Variants in TNFAIP8 observed in about 807,000 individuals in gnomAD.
TNFAIP8 encodes the protein TNF alpha induced protein 8.
A neutral mutation model predicts 13.3 loss-of-function variants in TNFAIP8; 7 were observed. That is an observed-to-expected ratio of 0.52 (90% CI 0.30 to 0.99). The LOEUF is 0.99. TNFAIP8 is among the 50% of genes least tolerant of loss of function. TNFAIP8 has a pLI of 0.07. For synonymous variants in TNFAIP8, 94 were observed against 87.6 expected (o/e 1.07, Z -0.41); for missense variants, 258 against 236.9 (o/e 1.09, Z -0.58).
At chr5:119,346,041 C>A (rs930250146) in intron 1 of TNFAIP8, among the ~76,000 whole-genome samples, 1 of 152,108 alleles carries the variant, frequency 6.6e-6, no homozygotes, top group Admixed American at 6.5e-5. Context: ...TGATAGAGCA[C>A]CCAAACACAT....
intron 1 of TNFAIP8, among the ~76,000 whole-genome samples, chr5:119,278,162 G>A (rs745699911): frequency 6.6e-6 from 1 of 152,108 alleles, no homozygotes; most frequent in Non-Finnish European, 1.5e-5. Flanking sequence ...TATATGAAGG[G>A]CAGTCTGGGA....
chr5:119,349,545 A>T (rs1200470401), intron 1 of TNFAIP8, among the ~76,000 whole-genome samples: 1 of 152,240 alleles, frequency 6.6e-6, no homozygotes, highest in Admixed American at 6.5e-5. Flanking sequence ...GGGTGTCAGT[A>T]ATCAGGGCCA....
chr5:119,312,273 T>C (rs888540400), intron 1 of TNFAIP8, among the ~76,000 whole-genome samples: 1 of 152,232 alleles, frequency 6.6e-6, no homozygotes, highest in African/African-American at 2.4e-5. Context: ...CTCTGCTCTT[T>C]CTGCTATTGT....
chr5:119,317,640 C>T (rs1291480924), intron 1 of TNFAIP8, among the ~76,000 whole-genome samples: 3 of 150,868 alleles, frequency 2.0e-5, no homozygotes, highest in Non-Finnish European at 4.4e-5. Context: ...ACTCTCTTGC[C>T]CAGGCTGGAG....
rs1753041429 is a variant in TNFAIP8 at position 119,395,042 on chromosome 5, G to A, written c.*1661G>A. The A allele has an allele frequency of 6.6e-6, 1 of 152,156 alleles. No homozygotes were observed. Among genetic ancestry groups the A allele is most frequent in the Non-Finnish European group, 1.5e-5 (1 of 68,036 alleles). The allele number at this position is 152,156 out of a possible 1,614,324, so 9.4% of individuals were successfully genotyped here. On this transcript the variant is annotated 3_prime_UTR_variant, in exon 2 of 2. Coordinates refer to ENST00000504771, the MANE Select transcript of TNFAIP8 (RefSeq NM_014350.4). ...CTCTAACCCATTTCAGCCTAGAGAG[G>A]GTGGTCAGTTTCTCTGACACCCTCA...
intron 1 of TNFAIP8, among the ~76,000 whole-genome samples, chr5:119,277,131 A>T (rs1231044961): frequency 6.6e-6 from 1 of 152,138 alleles, no homozygotes; most frequent in Non-Finnish European, 1.5e-5. Flanking sequence ...TGTATACTGC[A>T]CTCACCTGTT....
chr5:119,360,554 T>G (rs973558667), intron 1 of TNFAIP8, among the ~76,000 whole-genome samples: 6 of 152,344 alleles, frequency 3.9e-5, no homozygotes, highest in Non-Finnish European at 5.9e-5. Context: ...TCACCATGAT[T>G]TAGAGCTAAA....
At chr5:119,368,740 G>C (rs1345476431) in intron 1 of TNFAIP8, among the ~76,000 whole-genome samples, 1 of 152,024 alleles carries the variant, frequency 6.6e-6, no homozygotes, top group African/African-American at 2.4e-5. Flanking sequence ...CATTTTTCGG[G>C]ACCCAACTAA....
chr5:119,324,426 A>G (rs1004990192), intron 1 of TNFAIP8, among the ~76,000 whole-genome samples: 1 of 151,576 alleles, frequency 6.6e-6, no homozygotes, highest in Non-Finnish European at 1.5e-5. Flanking sequence ...TTCTTCGTGC[A>G]TGGATCAGAG....
chr5:119,355,984 C>A, upstream of TNFAIP8: 5 of 1,512,328 alleles, frequency 3.3e-6, 1 homozygote, highest in South Asian at 4.8e-5. Flanking sequence ...TAGTGGCTTT[C>A]TTCCTTTTAT....
chr5:119,283,507 A>G (rs1748694427), intron 1 of TNFAIP8, among the ~76,000 whole-genome samples: 1 of 152,170 alleles, frequency 6.6e-6, no homozygotes, highest in Non-Finnish European at 1.5e-5. Context: ...TTCTTCCCTG[A>G]TGGATGTGAA....
At chr5:119,324,079 G>C (rs1423472366) in intron 1 of TNFAIP8, among the ~76,000 whole-genome samples, 1 of 151,308 alleles carries the variant, frequency 6.6e-6, no homozygotes. Context: ...TTCCTTAGAA[G>C]TTCCAGGTTC....
At chr5:119,335,792 A>G (rs1750532132) in intron 1 of TNFAIP8, among the ~76,000 whole-genome samples, 1 of 152,034 alleles carries the variant, frequency 6.6e-6, no homozygotes, top group African/African-American at 2.4e-5. Flanking sequence ...AACAAAATAA[A>G]TAAGTAAAAT....
intron 1 of TNFAIP8, among the ~76,000 whole-genome samples, chr5:119,307,528 G>C (rs1040051767): frequency 6.8e-6 from 1 of 146,314 alleles, no homozygotes; most frequent in African/African-American, 2.8e-5. Flanking sequence ...AAAATTTCTG[G>C]AAAGATGGAT....
At chr5:119,320,546 C>T (rs1750023957) in intron 1 of TNFAIP8, among the ~76,000 whole-genome samples, 1 of 152,148 alleles carries the variant, frequency 6.6e-6, no homozygotes, top group Non-Finnish European at 1.5e-5. Flanking sequence ...CTCCACTACT[C>T]CTCAAAAACC....
At chr5:119,372,551 G>A (rs184825839) in intron 1 of TNFAIP8, among the ~76,000 whole-genome samples, 1 of 152,088 alleles carries the variant, frequency 6.6e-6, no homozygotes, top group Non-Finnish European at 1.5e-5. Context: ...TTGTTAAATG[G>A]CCACCGCTAT....
chr5:119,330,031 A>G (rs67154545), intron 1 of TNFAIP8, among the ~76,000 whole-genome samples: 14,605 of 151,922 alleles, frequency 0.096, 809 homozygotes, highest in African/African-American at 0.16. Flanking sequence ...TCCTCTTTGA[A>G]GAAGAGGAGA....
intron 1 of TNFAIP8, among the ~76,000 whole-genome samples, chr5:119,325,498 A>T (rs895927432): frequency 1.7e-4 from 26 of 151,876 alleles, no homozygotes; most frequent in Non-Finnish European, 3.7e-4. Context: ...CCCAGGCTGG[A>T]GTGTAGTGGT....
chr5:119,288,504 T>G (rs139796418), intron 1 of TNFAIP8, among the ~76,000 whole-genome samples: 1 of 152,240 alleles, frequency 6.6e-6, no homozygotes, highest in African/African-American at 2.4e-5. Flanking sequence ...GGAAAAAAGT[T>G]TTCTTTAATT....
Sources: gnomAD v4.1 joint callset for allele counts (sites outside exome capture counted in the v4.1 genomes callset) on GRCh38, gnomAD v4.1.1 for gene constraint, MANE v1.5 for transcripts, NCBI Gene and HGNC (gene_info 2026-07-23, HGNC 2026-07-21) for gene names.